The following GARNL3 variants were observed in gnomAD, a reference collection of about 807,000 sequenced individuals.
GARNL3 encodes the protein GTPase-activating Rap/Ran-GAP domain-like protein 3.
A neutral mutation model predicts 125.0 loss-of-function variants in GARNL3; 63 were observed. The observed-to-expected ratio is 0.50, with a 90% confidence interval of 0.41 to 0.62. The LOEUF (loss-of-function observed/expected upper bound fraction) is 0.62. Ranked by LOEUF, GARNL3 falls within the 20% of genes least tolerant of loss-of-function variation. GARNL3 has a pLI of 0.00. For synonymous variants in GARNL3, 439 were observed against 457.5 expected, an observed-to-expected ratio of 0.96 and a Z score of 0.52; for missense variants, 994 against 1,244.0, an observed-to-expected ratio of 0.80 and a Z score of 3.02.
At chr9:127,232,806 C>G (rs2063042272) in intron 1 of GARNL3, among the ~76,000 whole-genome samples, 1 of 152,210 alleles carries the variant, frequency 6.6e-6, no homozygotes, top group African/African-American at 2.4e-5. Context: ...TCTTCATCTT[C>G]TGGGTTGACT....
chr9:127,277,124 G>A (rs779943390), intron 1 of GARNL3, among the ~76,000 whole-genome samples: 1 of 152,192 alleles, frequency 6.6e-6, no homozygotes, highest in African/African-American at 2.4e-5. Context: ...TGAGCAGTTT[G>A]TTTAAAACCC....
chr9:127,234,221 T>G (rs2063070921), intron 1 of GARNL3, among the ~76,000 whole-genome samples: 1 of 152,238 alleles, frequency 6.6e-6, no homozygotes, highest in African/African-American at 2.4e-5. Flanking sequence ...TATTATTCAC[T>G]AAGATTTTAA....
At chr9:127,262,822 CTG>C (rs1436025402), upstream of GARNL3, among the ~76,000 whole-genome samples, 3 of 152,214 alleles carry the variant, frequency 2.0e-5, no homozygotes, top group Non-Finnish European at 4.4e-5. Flanking sequence ...AGGCCAGACA[CTG>C]GGGCCTTGGG....
At chr9:127,367,511 C>T (rs1412005356) in intron 22 of GARNL3, 1 of 151,968 alleles carries the variant, frequency 6.6e-6, no homozygotes, top group Non-Finnish European at 1.5e-5. Flanking sequence ...CACTTGGTAA[C>T]CTTTAGGGGA....
At chr9:127,377,106 T>A (rs760178016) in intron 22 of GARNL3, among the ~76,000 whole-genome samples, 7 of 152,222 alleles carry the variant, frequency 4.6e-5, no homozygotes, top group Non-Finnish European at 8.8e-5. Flanking sequence ...AAAAATTTTT[T>A]AAAAGATTTG....
At chr9:127,347,148 A>G (rs572662114) in intron 16 of GARNL3, among the ~76,000 whole-genome samples, 1 of 152,298 alleles carries the variant, frequency 6.6e-6, no homozygotes, top group African/African-American at 2.4e-5. Context: ...GGCCGGGTGC[A>G]GTGGTTCATG....
At chr9:127,290,467 G>A (rs1300839887) in intron 1 of GARNL3, among the ~76,000 whole-genome samples, 1 of 152,160 alleles carries the variant, frequency 6.6e-6, no homozygotes, top group Admixed American at 6.5e-5. Context: ...TGCAAATTGT[G>A]GGTAGATTTA....
chr9:127,331,720 C>CTTTATTTTTTTTTT (rs1829255892), intron 7 of GARNL3, among the ~76,000 whole-genome samples: 1 of 74,416 alleles, frequency 1.3e-5, no homozygotes, highest in East Asian at 6.6e-4. Flanking sequence ...CTTGGGCTTG[C>CTTTATTTTTTTTTT]TTTTTTTTTT....
At chr9:127,374,922 AAAAC>A (rs1267182912) in intron 22 of GARNL3, among the ~76,000 whole-genome samples, 118 of 151,994 alleles carry the variant, frequency 7.8e-4, no homozygotes, top group Admixed American at 2.6e-3. Flanking sequence ...AAAAAAAAAA[AAAAC>A]AACAAAGAAA....
chr9:127,327,923 A>G (rs2065624269), intron 7 of GARNL3, among the ~76,000 whole-genome samples: 1 of 152,240 alleles, frequency 6.6e-6, no homozygotes, highest in Admixed American at 6.5e-5. Flanking sequence ...ATATAAAATT[A>G]GGATTATATA....
intron 21 of GARNL3, among the ~76,000 whole-genome samples, chr9:127,359,210 C>T (rs1370764173): frequency 6.6e-6 from 1 of 152,108 alleles, no homozygotes; most frequent in Admixed American, 6.5e-5. Flanking sequence ...ACCCTCTTGG[C>T]CGGGCACAGT....
chr9:127,348,109 A>G (rs767413776), intron 16 of GARNL3, among the ~76,000 whole-genome samples: 1 of 152,182 alleles, frequency 6.6e-6, no homozygotes, highest in Non-Finnish European at 1.5e-5. Flanking sequence ...TGCCTGATTG[A>G]GAGTAAAAGT....
At chr9:127,303,005 G>T (rs1410012058) in intron 2 of GARNL3, among the ~76,000 whole-genome samples, 1 of 152,096 alleles carries the variant, frequency 6.6e-6, no homozygotes, top group Non-Finnish European at 1.5e-5. Flanking sequence ...GAAAAAATTA[G>T]CCAGGCGTGG....
At chr9:127,347,093 G>A (rs919648156) in intron 16 of GARNL3, among the ~76,000 whole-genome samples, 6 of 152,150 alleles carry the variant, frequency 3.9e-5, no homozygotes, top group African/African-American at 1.4e-4. Flanking sequence ...ACTGGCACCC[G>A]TGTAAAGCAA....
intron 2 of GARNL3, 91 bp downstream of exon 2, chr9:127,291,333 A>G (rs1052195195): frequency 1.5e-5 from 17 of 1,148,222 alleles, no homozygotes; most frequent in East Asian, 7.2e-5. Flanking sequence ...GAAGAGGTAA[A>G]TAGAGCTTTT....
chr9:127,309,934 A>G lies in GARNL3; in HGVS notation c.220-1702A>G, dbSNP rs150881584. Among the ~76,000 whole-genome samples, 4 of 152,352 alleles carry G rather than the reference A, an allele frequency of 2.6e-5. No individual in the cohort carries two copies. The East Asian group carries it at 7.7e-4, about 29-fold the overall frequency. On this transcript the variant is annotated intron_variant, in intron 2 of 27. Transcript: ENST00000373387. Reference sequence around the variant, plus strand: ...CATACGTGGCACGATGGAGATATCAACAAAGCTGCAATAGAGTGACATCAG... The same window carrying G: ...CATACGTGGCACGATGGAGATATCAGCAAAGCTGCAATAGAGTGACATCAG...
At chr9:127,386,868 A>G (rs1252558668) in intron 24 of GARNL3, among the ~76,000 whole-genome samples, 3 of 152,244 alleles carry the variant, frequency 2.0e-5, no homozygotes, top group African/African-American at 7.2e-5. Context: ...CTAACACTCC[A>G]GGTGCCTGAG....
chr9:127,292,256 A>G (rs1239333118), intron 2 of GARNL3, among the ~76,000 whole-genome samples: 1 of 152,192 alleles, frequency 6.6e-6, no homozygotes, highest in East Asian at 1.9e-4. Flanking sequence ...ATACCCCTGA[A>G]TAGGTACCCA....
intron 2 of GARNL3, among the ~76,000 whole-genome samples, chr9:127,254,293 T>C (rs2063457355): frequency 6.6e-6 from 1 of 152,148 alleles, no homozygotes; most frequent in Admixed American, 6.5e-5. Flanking sequence ...TAGGAAATCA[T>C]GATGGTGAAG....
Sources: allele counts gnomAD v4.1 joint callset (sites outside exome capture counted in the v4.1 genomes callset), GRCh38; gene constraint gnomAD v4.1.1; transcripts MANE v1.5; gene names NCBI Gene and HGNC (gene_info 2026-07-23, HGNC 2026-07-21).